PDE3A: variants seen among roughly 807,000 people sequenced by gnomAD.
PDE3A encodes cGMP-inhibited 3',5'-cyclic phosphodiesterase 3A.
A neutral mutation model predicts 98.3 loss-of-function variants in PDE3A; 43 were observed. That is an observed-to-expected ratio of 0.44 (90% CI 0.34 to 0.56). PDE3A has a LOEUF of 0.56. PDE3A is among the 20% of genes least tolerant of loss of function. The probability of loss-of-function intolerance (pLI) is 0.01; values close to 1 mark genes in which losing one functional copy is unlikely to be tolerated. For missense variants in PDE3A, 1,427 were observed against 1,440.7 expected, an observed-to-expected ratio of 0.99 and a Z score of 0.15; for synonymous variants, 663 against 567.9, an observed-to-expected ratio of 1.17 and a Z score of -2.38.
intron 1 of PDE3A, among the ~76,000 whole-genome samples, chr12:20,457,027 C>T (rs1238372736): frequency 2.0e-4 from 30 of 152,052 alleles, no homozygotes. Context: ...ACAGTCAAAT[C>T]AAACACTTCT....
chr12:20,391,345 C>CAT (rs1315816144), intron 1 of PDE3A, among the ~76,000 whole-genome samples: 3 of 144,890 alleles, frequency 2.1e-5, no homozygotes, highest in Non-Finnish European at 4.5e-5. Context: ...TGTATGTATA[C>CAT]ATATATATAA....
intron 2 of PDE3A, 38 bp downstream of exon 2, chr12:20,556,748 C>A: frequency 1.3e-6 from 2 of 1,487,484 alleles, no homozygotes; most frequent in Non-Finnish European, 1.9e-6. Flanking sequence ...CGTTTCGTTT[C>A]GTAACACTTT....
chr12:20,621,500 G>T, intron 5 of PDE3A, 89 bp downstream of exon 5: 2 of 715,686 alleles, frequency 2.8e-6, no homozygotes, highest in Admixed American at 2.2e-5. Flanking sequence ...TTCTGAGGGT[G>T]CCCTATATTC....
intron 6 of PDE3A, among the ~76,000 whole-genome samples, chr12:20,630,685 G>T (rs11045349): frequency 0.41 from 61,899 of 151,948 alleles, 13,195 homozygotes; most frequent in African/African-American, 0.51. Flanking sequence ...TATCACAGAG[G>T]TTAAGAAAAA....
At chr12:20,624,662 A>G (rs906008490) in intron 5 of PDE3A, among the ~76,000 whole-genome samples, 4 of 152,190 alleles carry the variant, frequency 2.6e-5, no homozygotes, top group Admixed American at 6.5e-5. Flanking sequence ...AGTTTATAAA[A>G]TAACCTATAT....
intron 1 of PDE3A, among the ~76,000 whole-genome samples, chr12:20,383,074 C>T (rs559978182): frequency 2.6e-5 from 4 of 151,888 alleles, no homozygotes; most frequent in South Asian, 2.1e-4. Flanking sequence ...TCAGATGCTT[C>T]GGGTGCTTCA....
At chr12:20,519,835 G>C (rs1406442915) in intron 1 of PDE3A, among the ~76,000 whole-genome samples, 1 of 152,122 alleles carries the variant, frequency 6.6e-6, no homozygotes, top group East Asian at 1.9e-4. Flanking sequence ...TTTGAGGCGG[G>C]TTTTGGAAGA....
intron 1 of PDE3A, among the ~76,000 whole-genome samples, chr12:20,390,589 GAAA>G (rs34775213): frequency 6.6e-6 from 1 of 151,478 alleles, no homozygotes; most frequent in Non-Finnish European, 1.5e-5. Flanking sequence ...TGGTCACTGA[GAAA>G]AAAAAGCATC....
At chr12:20,443,948 G>A (rs1185534621) in intron 1 of PDE3A, among the ~76,000 whole-genome samples, 2 of 151,998 alleles carry the variant, frequency 1.3e-5, no homozygotes, top group African/African-American at 2.4e-5. Context: ...AGACTCCTTC[G>A]GTGAGCTCCC....
intron 2 of PDE3A, among the ~76,000 whole-genome samples, chr12:20,592,422 A>G (rs1943361352): frequency 6.6e-6 from 1 of 152,230 alleles, no homozygotes. Context: ...TTTAAAAACT[A>G]TAATATCAAA....
chr12:20,504,845 C>G (rs894854369), intron 1 of PDE3A, among the ~76,000 whole-genome samples: 5 of 152,074 alleles, frequency 3.3e-5, no homozygotes, highest in African/African-American at 9.7e-5. Context: ...AAATCAGGAT[C>G]ATCGCTCTAA....
chr12:20,649,992 A>G (rs1944877594), intron 13 of PDE3A, among the ~76,000 whole-genome samples: 1 of 152,158 alleles, frequency 6.6e-6, no homozygotes, highest in South Asian at 2.1e-4. Flanking sequence ...TGCTAATTCA[A>G]TAATTAATGA....
At chr12:20,533,368 A>C (rs1388811788) in intron 1 of PDE3A, among the ~76,000 whole-genome samples, 1 of 151,886 alleles carries the variant, frequency 6.6e-6, no homozygotes, top group Non-Finnish European at 1.5e-5. Context: ...GCCTTGACTC[A>C]AGACCTCCTT....
chr12:20,580,320 AAAT>A (rs1328080470), intron 2 of PDE3A, among the ~76,000 whole-genome samples: 5 of 152,192 alleles, frequency 3.3e-5, no homozygotes, highest in Admixed American at 3.3e-4. Context: ...TTGTATTAAA[AAAT>A]AATAAGGCAC....
chr12:20,661,906 G>A (rs1012333713), intron 15 of PDE3A, among the ~76,000 whole-genome samples: 3 of 151,836 alleles, frequency 2.0e-5, no homozygotes, highest in African/African-American at 4.8e-5. Flanking sequence ...TGTGAGAAGA[G>A]AGCCACTGTC....
At chr12:20,389,971 G>T (rs1943883575) in intron 1 of PDE3A, among the ~76,000 whole-genome samples, 1 of 151,874 alleles carries the variant, frequency 6.6e-6, no homozygotes, top group Non-Finnish European at 1.5e-5. Context: ...ATTCGTAAAA[G>T]AATATTTCTA....
intron 1 of PDE3A, among the ~76,000 whole-genome samples, chr12:20,402,880 G>T (rs1180749724): frequency 6.6e-6 from 1 of 151,928 alleles, no homozygotes; most frequent in Admixed American, 6.6e-5. Flanking sequence ...CATTATAATG[G>T]GTCTGCTTGG....
At chr12:20,644,020 T>C (rs74729190) in intron 10 of PDE3A, among the ~76,000 whole-genome samples, 1,694 of 152,182 alleles carry the variant, frequency 0.011, 32 homozygotes, top group African/African-American at 0.039. Flanking sequence ...ACCTCCGTAC[T>C]GCTATGCTCA....
intron 1 of PDE3A, among the ~76,000 whole-genome samples, chr12:20,534,614 G>A (rs1052276145): frequency 1.3e-5 from 2 of 152,052 alleles, no homozygotes; most frequent in Admixed American, 6.6e-5. Context: ...AAATCTCATT[G>A]CTTGGCAACC....
Sources: gnomAD v4.1 joint callset for allele counts (sites outside exome capture counted in the v4.1 genomes callset) on GRCh38, gnomAD v4.1.1 for gene constraint, MANE v1.5 for transcripts, NCBI Gene and HGNC (gene_info 2026-07-23, HGNC 2026-07-21) for gene names.